CSMD1: variants seen among roughly 807,000 people sequenced by gnomAD.
CSMD1 encodes CUB and Sushi multiple domains 1, also known as CUB and sushi domain-containing protein 1.
CSMD1 carries 213 observed loss-of-function variants against 417.5 expected under a neutral mutation model. The ratio of observed to expected loss-of-function variants is 0.51; its 90% CI spans 0.46 to 0.57. The LOEUF (loss-of-function observed/expected upper bound fraction) is 0.57, where lower values mean the gene tolerates loss of function less well. CSMD1 is among the 20% of genes least tolerant of loss of function. CSMD1 has a pLI of 0.00. For synonymous variants in CSMD1, 2,862 were observed against 1,736.8 expected (o/e 1.65, Z -16.11); for missense variants, 6,923 against 4,529.7 (o/e 1.53, Z -15.17).
At chr8:4,189,246 A>G (rs918197870) in intron 3 of CSMD1, among the ~76,000 whole-genome samples, 1 of 152,202 alleles carries the variant, frequency 6.6e-6, no homozygotes, top group African/African-American at 2.4e-5. Context: ...ATCTAAGCCC[A>G]CCTTTGCCCA....
At chr8:4,022,999 C>T (rs1288165655) in intron 4 of CSMD1, among the ~76,000 whole-genome samples, 1 of 152,174 alleles carries the variant, frequency 6.6e-6, no homozygotes, top group African/African-American at 2.4e-5. Context: ...ATGGGACAGT[C>T]TTTTACCAAA....
At chr8:3,594,865 C>A (rs1017686196) in intron 8 of CSMD1, among the ~76,000 whole-genome samples, 5 of 152,266 alleles carry the variant, frequency 3.3e-5, no homozygotes, top group African/African-American at 7.2e-5. Context: ...GCTCATGGAG[C>A]TTCTGAGAGC....
At chr8:4,714,775 T>C (rs890572871) in intron 1 of CSMD1, among the ~76,000 whole-genome samples, 1 of 152,192 alleles carries the variant, frequency 6.6e-6, no homozygotes, top group Non-Finnish European at 1.5e-5. Context: ...GGAAAAATAA[T>C]GTTAGGAAAA....
chr8:3,687,536 G>C (rs1242298048), intron 7 of CSMD1, among the ~76,000 whole-genome samples: 1 of 152,180 alleles, frequency 6.6e-6, no homozygotes, highest in Non-Finnish European at 1.5e-5. Flanking sequence ...TTTTCTTCCA[G>C]ATATTCTCTG....
At chr8:3,793,490 C>G (rs1301365725) in intron 5 of CSMD1, among the ~76,000 whole-genome samples, 1 of 151,034 alleles carries the variant, frequency 6.6e-6, no homozygotes, top group African/African-American at 2.4e-5. Context: ...CAAGCCAGCC[C>G]TCTTGTGCCC....
At chr8:4,592,266 G>A (rs1052180234) in intron 2 of CSMD1, among the ~76,000 whole-genome samples, 1 of 151,124 alleles carries the variant, frequency 6.6e-6, no homozygotes, top group Non-Finnish European at 1.5e-5. Context: ...GTGTCCAGGA[G>A]GGTATTACAG....
chr8:4,137,645 T>C (rs1803517413), intron 3 of CSMD1, among the ~76,000 whole-genome samples: 1 of 131,448 alleles, frequency 7.6e-6, no homozygotes, highest in Admixed American at 7.9e-5. Context: ...TTATAAGCAG[T>C]TTCAATATAA....
intron 12 of CSMD1, among the ~76,000 whole-genome samples, chr8:3,432,553 A>C (rs955892582): frequency 8.0e-6 from 1 of 124,454 alleles, no homozygotes; most frequent in African/African-American, 3.1e-5. Context: ...CTTTGTCACC[A>C]GGCTGGAGTG....
At chr8:4,180,690 G>T (rs1798317320) in intron 3 of CSMD1, among the ~76,000 whole-genome samples, 1 of 152,136 alleles carries the variant, frequency 6.6e-6, no homozygotes, top group Non-Finnish European at 1.5e-5. Context: ...AGGCAAGGTA[G>T]CTCACTGGTT....
At chr8:4,762,880 T>A (rs1032791560) in intron 1 of CSMD1, among the ~76,000 whole-genome samples, 1 of 152,202 alleles carries the variant, frequency 6.6e-6, no homozygotes, top group Non-Finnish European at 1.5e-5. Flanking sequence ...TTATTAGGCA[T>A]CTCATTTATA....
intron 33 of CSMD1, among the ~76,000 whole-genome samples, chr8:3,196,794 C>T (rs990220783): frequency 3.9e-5 from 6 of 152,096 alleles, no homozygotes; most frequent in African/African-American, 1.4e-4. Context: ...CACTGGAGAC[C>T]AGTGAGTTGT....
chr8:2,940,254 A>G (rs602123), intron 69 of CSMD1, among the ~76,000 whole-genome samples: 135,965 of 152,240 alleles, frequency 0.89, 60,767 homozygotes, highest in East Asian at 0.93. Context: ...CCTTGCTTCT[A>G]CAAAAATTCC....
chr8:4,571,480 A>C (rs1798891684), intron 2 of CSMD1, among the ~76,000 whole-genome samples: 1 of 152,122 alleles, frequency 6.6e-6, no homozygotes, highest in Non-Finnish European at 1.5e-5. Flanking sequence ...CCTGAGTTCT[A>C]ATTTGATTGC....
At chr8:4,552,457 T>C (rs1184793275) in intron 2 of CSMD1, among the ~76,000 whole-genome samples, 1 of 152,066 alleles carries the variant, frequency 6.6e-6, no homozygotes, top group Admixed American at 6.6e-5. Context: ...GGTGTAGAAA[T>C]AGTACCAAGA....
intron 2 of CSMD1, among the ~76,000 whole-genome samples, chr8:4,436,295 T>TC (rs1209288000): frequency 6.6e-6 from 1 of 152,200 alleles, no homozygotes. Flanking sequence ...GGTGTTTTTT[T>TC]CATCTTATCT....
At chr8:3,884,533 G>T (rs900022965) in intron 5 of CSMD1, among the ~76,000 whole-genome samples, 3 of 152,160 alleles carry the variant, frequency 2.0e-5, no homozygotes, top group Non-Finnish European at 2.9e-5. Context: ...CAACACTGCA[G>T]TCACTCAGGA....
chr8:4,432,703 C>A (rs574348302), intron 2 of CSMD1, among the ~76,000 whole-genome samples: 3 of 152,176 alleles, frequency 2.0e-5, no homozygotes, highest in South Asian at 2.1e-4. Flanking sequence ...CTCTCCAGAG[C>A]CTGTGCTTTT....
In CSMD1 at chr8:3,827,178, G is replaced by A. The variant is rs118072191; in HGVS notation, c.819-73136C>T. Among the ~76,000 whole-genome samples, 298 of 152,222 alleles carry A rather than the reference G, an allele frequency of 2.0e-3. 2 individuals are homozygous for A. Among genetic ancestry groups the A allele is most frequent in the Non-Finnish European group, 3.6e-3 (242 of 68,018 alleles). On this transcript the variant is annotated intron_variant, in intron 5 of 69. Transcript: ENST00000635120. ...AGAACCTTAATGTACTTATGTTCTT[G>A]AGGTATTACATATTCTCCCAAAGAG...
chr8:4,762,648 C>G (rs367548262), intron 1 of CSMD1, among the ~76,000 whole-genome samples: 1 of 152,244 alleles, frequency 6.6e-6, no homozygotes, highest in African/African-American at 2.4e-5. Flanking sequence ...GCGTCTCCAC[C>G]TCTGCTGTAG....
Sources: allele counts gnomAD v4.1 joint callset (sites outside exome capture counted in the v4.1 genomes callset), GRCh38; gene constraint gnomAD v4.1.1; transcripts MANE v1.5; gene names NCBI Gene and HGNC (gene_info 2026-07-23, HGNC 2026-07-21).